RPL24: variants seen among roughly 807,000 people sequenced by gnomAD.
RPL24 encodes ribosomal protein L24.
In RPL24, 7 loss-of-function variants were observed where a neutral mutation model predicts 26.4. The ratio of observed to expected loss-of-function variants is 0.27; its 90% CI spans 0.15 to 0.50. The LOEUF is 0.50. Among genes scored for constraint, RPL24 ranks in the 20% least tolerant of loss-of-function variants. The pLI, the probability that RPL24 is intolerant of heterozygous loss-of-function variation, is 0.98. For missense variants in RPL24, 109 were observed against 194.9 expected, an observed-to-expected ratio of 0.56 and a Z score of 2.62; for synonymous variants, 67 against 65.2, an observed-to-expected ratio of 1.03 and a Z score of -0.13.
chr3:101,683,404 G>A (rs1288184897), intron 3 of RPL24, among the ~76,000 whole-genome samples: 1 of 152,202 alleles, frequency 6.6e-6, no homozygotes, highest in Non-Finnish European at 1.5e-5. Context: ...AAAAGATCTT[G>A]CAGTGCACCT....
At position 101,684,776 on chromosome 3, in the gene RPL24, C is replaced by CCA. The variant is rs1205904118; in HGVS notation, c.192+1041_192+1042insTG. 1.9e-3 allele frequency among the ~76,000 whole-genome samples: 102 copies of CCA among 53,210 alleles called. 16 individuals are homozygous for CCA. Among genetic ancestry groups the CCA allele is most frequent in the Middle Eastern group, 0.018 (1 of 56 alleles). 34.9% of individuals were successfully genotyped at this position (53,210 alleles called of 152,430 possible). A position where few individuals can be genotyped will look rare whatever the true frequency, so the allele number is the denominator to read the frequency against. The stretch of plus-strand genomic sequence containing the variant: ...CTGAGCAACAGAGGACCTGTCTCCC[C>CCA]AAAAAAAAAAAAAAAAAAAAAAAAA... On this transcript the variant is annotated intron_variant, in intron 3 of 5. Coordinates refer to ENST00000394077, the MANE Select transcript of RPL24 (RefSeq NM_000986.4).
At chr3:101,681,719 T>C (rs1223666675) in intron 5 of RPL24, 3 of 155,644 alleles carry the variant, frequency 1.9e-5, no homozygotes, top group Non-Finnish European at 4.3e-5. Flanking sequence ...TGCTTGCCTG[T>C]AGTCCCAGCT....
In RPL24 at chr3:101,682,570, T is replaced by C. The variant is rs1937277336; in HGVS notation, c.330-78A>G. Reference sequence around the variant, plus strand: ...ACTTATTATTAGAGTTAGACTGTACTGGACAAGTACAATGACCATATTCCT... The same window carrying C: ...ACTTATTATTAGAGTTAGACTGTACCGGACAAGTACAATGACCATATTCCT... On this transcript the variant is annotated intron_variant, in intron 4 of 5. Transcript: ENST00000394077. 5.5e-6 allele frequency: 7 copies of C among 1,269,112 alleles called. No homozygotes were observed. In the South Asian group the frequency reaches 8.8e-5, roughly 16 times the overall value. 78.6% of individuals were successfully genotyped at this position (1,269,112 alleles called of 1,614,324 possible).
intron 3 of RPL24, among the ~76,000 whole-genome samples, chr3:101,685,470 A>G (rs561776413): frequency 6.6e-6 from 1 of 152,328 alleles, no homozygotes; most frequent in Non-Finnish European, 1.5e-5. Context: ...GGACTGGTTC[A>G]TGGTCCACTG....
At chr3:101,682,285 G>T (rs965420717) in intron 5 of RPL24, 144 bp downstream of exon 5, 1 of 693,354 alleles carries the variant, frequency 1.4e-6, no homozygotes, top group Non-Finnish European at 2.6e-6. Context: ...AGTATCACTT[G>T]AACCCGGGAG....
Position 101,685,905 on chromosome 3 carries a change from T to C in RPL24, c.105A>G (p.Lys35=), listed in dbSNP as rs549264415. The C allele has an allele frequency of 1.2e-6, 2 of 1,613,694 alleles. No individual in the cohort carries two copies. The highest frequency in any genetic ancestry group is 1.3e-5 in the African/African-American group (1 of 75,056). The change falls in exon 3 of 6, where the codon AAA becomes AAG. Residue 35 remains lysine (K), a synonymous_variant. Coordinates refer to ENST00000394077, the MANE Select transcript of RPL24 (RefSeq NM_000986.4). The stretch of plus-strand genomic sequence containing the variant: ...TCTTGGAAAGGAAAGCCGACTCGCA[T>C]TTCGCATTAAGAAACTGGAAAACCT... ...DGKVFQFLNA[K]CESAFLSKRN...
intron 5 of RPL24, 110 bp from the exon 6 acceptor site, chr3:101,681,325 A>C: frequency 1.4e-6 from 1 of 731,092 alleles, no homozygotes; most frequent in Non-Finnish European, 2.5e-6. Context: ...TTAGTAATTT[A>C]ACTGCATTCC....
rs1205904118 is a variant in RPL24 at position 101,684,776 on chromosome 3, C to CCCA, written c.192+1041_192+1042insTGG. ...CTGAGCAACAGAGGACCTGTCTCCC[C>CCCA]AAAAAAAAAAAAAAAAAAAAAAAAA... On this transcript the variant is annotated intron_variant, in intron 3 of 5. Coordinates refer to ENST00000394077, the MANE Select transcript of RPL24 (RefSeq NM_000986.4). Among the ~76,000 whole-genome samples, 4 of 53,216 alleles carry CCCA rather than the reference C, an allele frequency of 7.5e-5. 1 individual carries two copies. Among genetic ancestry groups the CCCA allele is most frequent in the Non-Finnish European group, 1.3e-4 (4 of 31,350 alleles). The allele number at this position is 53,216 out of a possible 152,430, so 34.9% of individuals were successfully genotyped here. A position where few individuals can be genotyped will look rare whatever the true frequency, so the allele number is the denominator to read the frequency against.
Position 101,682,761 on chromosome 3 carries a change from C to T in RPL24, c.329+10G>A. 1 of 1,610,900 alleles carries T rather than the reference C, an allele frequency of 6.2e-7. No individual in the cohort carries two copies. Among genetic ancestry groups the T allele is most frequent in the Non-Finnish European group, 8.5e-7 (1 of 1,179,106 alleles). ...ATAGGTAAAATGCTCATAATGAAAG[C>T]ATTCCTCACCTGATAGCTTGTTCTC... On this transcript the variant is annotated intron_variant, in intron 4 of 5. Coordinates refer to ENST00000394077, the MANE Select transcript of RPL24 (RefSeq NM_000986.4).
Position 101,686,394 on chromosome 3 carries a change from G to T in RPL24, c.81+88C>A, listed in dbSNP as rs374898435. ...AAGACTTCCAGAGGCCAGTGGTGAT[G>T]TGGGGAATAAACCCGCCTAAACCGA... On this transcript the variant is annotated intron_variant, in intron 2 of 5. Transcript: ENST00000394077. The T allele has an allele frequency of 8.9e-6, 10 of 1,127,448 alleles. No homozygotes were observed. In the East Asian group the frequency reaches 1.5e-4, roughly 17 times the overall value. The allele number at this position is 1,127,448 out of a possible 1,614,324, so 69.8% of individuals were successfully genotyped here.
intron 2 of RPL24, 55 bp from the exon 3 acceptor site, chr3:101,685,983 T>TGA: frequency 1.7e-6 from 2 of 1,151,258 alleles, no homozygotes; most frequent in Non-Finnish European, 2.6e-6. Flanking sequence ...TACAAGAGGC[T>TGA]GAGTAAGCTT....
At chr3:101,686,002 T>G in intron 2 of RPL24, 74 bp from the exon 3 acceptor site, 1 of 993,964 alleles carries the variant, frequency 1.0e-6, no homozygotes, top group Non-Finnish European at 1.6e-6. Context: ...TTGGAATCCT[T>G]AGAAGATCAA....
Position 101,685,770 on chromosome 3 carries a change from T to C in RPL24, c.192+48A>G, listed in dbSNP as rs377404399. On this transcript the variant is annotated intron_variant, in intron 3 of 5. Coordinates refer to ENST00000394077, the MANE Select transcript of RPL24 (RefSeq NM_000986.4). ...GCAGAAAACCAACGTTCAGAGAGCT[T>C]TGACAACTTAAGAGATAGCCCCCAA... The C allele has an allele frequency of 4.8e-5, 52 of 1,086,582 alleles. No individual in the cohort carries two copies. The East Asian group carries it at 7.0e-4, about 15-fold the overall frequency. 67.3% of individuals were successfully genotyped at this position (1,086,582 alleles called of 1,614,324 possible). A position where few individuals can be genotyped will look rare whatever the true frequency, so the allele number is the denominator to read the frequency against.
At chr3:101,681,336 T>A in intron 5 of RPL24, 121 bp from the exon 6 acceptor site, 1 of 695,904 alleles carries the variant, frequency 1.4e-6, no homozygotes, top group Non-Finnish European at 2.6e-6. Context: ...ACTGCATTCC[T>A]AATGCCAATC....
chr3:101,686,421 T>C, intron 2 of RPL24, 61 bp downstream of exon 2: 3 of 1,487,654 alleles, frequency 2.0e-6, no homozygotes, highest in Non-Finnish European at 2.8e-6. Flanking sequence ...CTAAACCGAA[T>C]TAAACCAGCC....
chr3:101,686,204 G>A (rs76639050), intron 2 of RPL24: 2 of 575,368 alleles, frequency 3.5e-6, no homozygotes, highest in South Asian at 2.2e-5. Flanking sequence ...GCTCTTGTCC[G>A]TCCCAGGATT....
chr3:101,683,702 CTT>C (rs1300047484), intron 3 of RPL24, among the ~76,000 whole-genome samples: 3 of 138,650 alleles, frequency 2.2e-5, no homozygotes, highest in African/African-American at 5.3e-5. Context: ...TTTGGTTTTT[CTT>C]TTCTTTTTTT....
chr3:101,681,627 CTTG>C (rs1156878757), intron 5 of RPL24: 2 of 161,532 alleles, frequency 1.2e-5, no homozygotes, highest in East Asian at 3.7e-4. Flanking sequence ...AGGTGGATCG[CTTG>C]AGCTCAGGAG....
Position 101,682,788 on chromosome 3 carries a change from T to C in RPL24, c.312A>G (p.Gln104=), listed in dbSNP as rs773854990. 2.5e-6 allele frequency: 4 copies of C among 1,613,100 alleles called. No homozygotes were observed. Among genetic ancestry groups the C allele is most frequent in the Non-Finnish European group, 3.4e-6 (4 of 1,179,818 alleles). The part of the protein sequence containing the change: ...RNQKPEVRKA[Q]REQAIRAAKE... ...TTCCTCACCTGATAGCTTGTTCTCG[T>C]TGAGCCTTTCTAACTTCAGGTTTCT... is the stretch of plus-strand genomic sequence containing the variant. Residue 104 remains glutamine, a synonymous_variant, in exon 4 of 6, where the codon CAA becomes CAG. Transcript: ENST00000394077.
Sources: allele counts gnomAD v4.1 joint callset (sites outside exome capture counted in the v4.1 genomes callset), GRCh38; gene constraint gnomAD v4.1.1; transcripts MANE v1.5; gene names NCBI Gene and HGNC (gene_info 2026-07-23, HGNC 2026-07-21).